The following ATP6V1C1 variants were observed in gnomAD, a reference collection of about 807,000 sequenced individuals.
The protein encoded by ATP6V1C1 is V-type proton ATPase subunit C 1.
Under a neutral mutation model 53.9 loss-of-function variants are expected in ATP6V1C1, and 45 were observed. The ratio of observed to expected loss-of-function variants is 0.83; its 90% confidence interval spans 0.66 to 1.07. The LOEUF (loss-of-function observed/expected upper bound fraction) is 1.07, where lower values mean the gene tolerates loss of function less well. ATP6V1C1 is among the 50% of genes least tolerant of loss of function. The probability of loss-of-function intolerance (pLI) is 0.00; values close to 1 mark genes in which losing one functional copy is unlikely to be tolerated. For missense variants in ATP6V1C1, 315 were observed against 440.3 expected (o/e 0.72, Z 2.55); for synonymous variants, 153 against 155.2 (o/e 0.99, Z 0.11).
At chr8:103,047,785 A>T (rs549233090) in intron 3 of ATP6V1C1, among the ~76,000 whole-genome samples, 1 of 152,288 alleles carries the variant, frequency 6.6e-6, no homozygotes, top group South Asian at 2.1e-4. Flanking sequence ...CTTTCTTCCC[A>T]TGTAATCATC....
chr8:103,035,502 C>T (rs571462342), intron 1 of ATP6V1C1, among the ~76,000 whole-genome samples: 7 of 152,168 alleles, frequency 4.6e-5, no homozygotes, highest in Middle Eastern at 3.4e-3. Flanking sequence ...AGGGAGAATA[C>T]GATGAGTGCG....
chr8:103,032,458 C>G (rs762148901), intron 1 of ATP6V1C1, among the ~76,000 whole-genome samples: 2 of 151,500 alleles, frequency 1.3e-5, no homozygotes, highest in Non-Finnish European at 2.9e-5. Context: ...GTCAGTCTCC[C>G]CTCTCCTCCC....
At position 103,051,631 on chromosome 8, in the gene ATP6V1C1, G is replaced by A. The variant is rs187022803; in HGVS notation, c.381+487G>A. ...GTATTCGTGTGCCACATAATTTTAT[G>A]TAGTTTCAGGGAGTACATGGACCTT... On this transcript the variant is annotated intron_variant, in intron 5 of 12. Coordinates refer to ENST00000518738, the MANE Select transcript of ATP6V1C1 (RefSeq NM_001695.5). 6.3e-3 allele frequency among the ~76,000 whole-genome samples: 961 copies of A among 152,194 alleles called. 4 individuals carry two copies. Among genetic ancestry groups the A allele is most frequent in the Non-Finnish European group, 0.011 (718 of 67,954 alleles).
At chr8:103,055,003 T>C (rs1216735501) in intron 7 of ATP6V1C1, among the ~76,000 whole-genome samples, 4 of 152,166 alleles carry the variant, frequency 2.6e-5, no homozygotes. Context: ...GATTTTTCTT[T>C]GCACAGGGAG....
chr8:103,022,137 C>T (rs1373625267), intron 1 of ATP6V1C1, among the ~76,000 whole-genome samples: 2 of 152,030 alleles, frequency 1.3e-5, no homozygotes, highest in Non-Finnish European at 2.9e-5. Context: ...AAGTGTGGAG[C>T]AACGACACAT....
At chr8:103,021,250 G>A (rs575505061) in intron 1 of ATP6V1C1, 25 bp downstream of exon 1, 1 of 152,874 alleles carries the variant, frequency 6.5e-6, no homozygotes, top group South Asian at 2.1e-4. Context: ...GCTCTCCCCG[G>A]ATGGGGAGTC....
chr8:103,047,277 C>A (rs928791340), intron 3 of ATP6V1C1, among the ~76,000 whole-genome samples: 18 of 151,792 alleles, frequency 1.2e-4, no homozygotes, highest in Non-Finnish European at 1.5e-5. Flanking sequence ...GCTTGTGGCT[C>A]ACACCTGTAA....
intron 8 of ATP6V1C1, among the ~76,000 whole-genome samples, chr8:103,059,367 G>T (rs549988810): frequency 3.3e-4 from 50 of 152,162 alleles, no homozygotes; most frequent in African/African-American, 1.1e-3. Context: ...ACTCCATGTG[G>T]TATTTCCTAG....
At chr8:103,026,968 A>G (rs2131380217) in intron 1 of ATP6V1C1, among the ~76,000 whole-genome samples, 1 of 152,344 alleles carries the variant, frequency 6.6e-6, no homozygotes, top group South Asian at 2.1e-4. Context: ...ATCCCAATTA[A>G]GATGCTTCTG....
At chr8:103,050,599 A>G (rs922019358) in intron 4 of ATP6V1C1, among the ~76,000 whole-genome samples, 5 of 152,160 alleles carry the variant, frequency 3.3e-5, no homozygotes, top group Non-Finnish European at 7.4e-5. Context: ...ATGTTTTGAA[A>G]ATTGTTAAAA....
At chr8:103,043,333 T>G (rs1266957369) in intron 3 of ATP6V1C1, among the ~76,000 whole-genome samples, 6 of 129,512 alleles carry the variant, frequency 4.6e-5, no homozygotes, top group Non-Finnish European at 1.0e-4. Context: ...GTTTTTTTTG[T>G]TTTTTTTGAG....
At chr8:103,052,495 A>G (rs1015791140) in intron 5 of ATP6V1C1, among the ~76,000 whole-genome samples, 2 of 152,092 alleles carry the variant, frequency 1.3e-5, no homozygotes, top group Admixed American at 1.3e-4. Flanking sequence ...ATTAAAATAC[A>G]TGTGGACTAA....
chr8:103,068,741 C>G lies in ATP6V1C1; in HGVS notation c.1143C>G (p.Phe381Leu), dbSNP rs1269010049. 6.2e-6 allele frequency: 10 copies of G among 1,608,650 alleles called. No homozygotes were observed. In the African/African-American group the frequency reaches 1.1e-4, roughly 17 times the overall value. ...YYKIDCNLLE[F>L]K Reference sequence around the variant, plus strand: ...AGATTGATTGCAACTTGCTGGAATTCAAGTGAAAATGGGCTCCTCCCCCGA... The same window carrying G: ...AGATTGATTGCAACTTGCTGGAATTGAAGTGAAAATGGGCTCCTCCCCCGA... The change falls in exon 13 of 13, where the codon TTC (phenylalanine) becomes TTG (leucine). Residue 381 changes from phenylalanine to leucine, a missense_variant. By Grantham distance (22) the Phe-to-Leu change is conservative. Coordinates refer to ENST00000518738, the MANE Select transcript of ATP6V1C1 (RefSeq NM_001695.5).
rs144986656 is a variant in ATP6V1C1, at chr8:103,058,568, A to G, written c.641+2632A>G. Among the ~76,000 whole-genome samples, 702 of 152,256 alleles carry G rather than the reference A, an allele frequency of 4.6e-3. 13 individuals carry two copies. Among genetic ancestry groups the G allele is most frequent in the Non-Finnish European group, 2.4e-3 (163 of 68,028 alleles). On this transcript the variant is annotated intron_variant, in intron 8 of 12. Transcript: ENST00000518738. ...ATTACTGTGAGCTAGTCTTTGTTCT[A>G]TGTGCTTTACACAAGTTAATTAATT... is the stretch of plus-strand genomic sequence containing the variant.
At chr8:103,047,462 AC>A (rs1385143663) in intron 3 of ATP6V1C1, among the ~76,000 whole-genome samples, 203 of 89,550 alleles carry the variant, frequency 2.3e-3, no homozygotes, top group African/African-American at 5.0e-3. Flanking sequence ...ACACACACAC[AC>A]ATTTTTTTTT....
chr8:103,028,973 C>T (rs11775864), intron 1 of ATP6V1C1, among the ~76,000 whole-genome samples: 57,336 of 151,714 alleles, frequency 0.38, 11,464 homozygotes, highest in African/African-American at 0.52. Flanking sequence ...AATAAGGATG[C>T]GGTGGGACAT....
intron 8 of ATP6V1C1, among the ~76,000 whole-genome samples, chr8:103,058,983 ATT>A (rs367688530): frequency 5.8e-5 from 8 of 137,490 alleles, no homozygotes; most frequent in Admixed American, 1.5e-4. Flanking sequence ...CCACTTTCCT[ATT>A]TTTTTTTTTT....
chr8:103,039,530 A>G (rs374945879), intron 1 of ATP6V1C1, among the ~76,000 whole-genome samples: 7 of 152,304 alleles, frequency 4.6e-5, no homozygotes, highest in South Asian at 2.1e-4. Flanking sequence ...TTCAATTTAG[A>G]GACATTGAAT....
chr8:103,039,932 A>C (rs2131388195), intron 1 of ATP6V1C1, among the ~76,000 whole-genome samples: 2 of 152,030 alleles, frequency 1.3e-5, no homozygotes, highest in South Asian at 4.2e-4. Flanking sequence ...TAAATGTTCG[A>C]TGGCAACTAA....
Sources: gnomAD v4.1 joint callset for allele counts (sites outside exome capture counted in the v4.1 genomes callset) on GRCh38, gnomAD v4.1.1 for gene constraint, MANE v1.5 for transcripts, NCBI Gene and HGNC (gene_info 2026-07-23, HGNC 2026-07-21) for gene names.